Variants in USH2A observed in about 807,000 individuals in gnomAD.
The protein encoded by USH2A is Usher syndrome 2A (autosomal recessive, mild).
A neutral mutation model predicts 538.9 loss-of-function variants in USH2A; 443 were observed. The ratio of observed to expected loss-of-function variants is 0.82; its 90% CI spans 0.76 to 0.89. USH2A has a LOEUF of 0.89. Among genes scored for constraint, USH2A ranks in the 40% least tolerant of loss-of-function variants. USH2A has a pLI of 0.00. For missense variants in USH2A, 6,633 were observed against 6,324.8 expected, an observed-to-expected ratio of 1.05 and a Z score of -1.65; for synonymous variants, 2,413 against 2,273.5, an observed-to-expected ratio of 1.06 and a Z score of -1.75.
intron 44 of USH2A, among the ~76,000 whole-genome samples, chr1:215,849,293 G>A (rs777980216): frequency 3.9e-5 from 6 of 152,106 alleles, no homozygotes; most frequent in Non-Finnish European, 8.8e-5. Flanking sequence ...TGAAAAAGAA[G>A]CCTCTATGAA....
chr1:216,054,652 C>A (rs1433730044), intron 30 of USH2A, among the ~76,000 whole-genome samples: 1 of 152,028 alleles, frequency 6.6e-6, no homozygotes. Context: ...TCAGCAGACT[C>A]CTCCTCCCTC....
intron 22 of USH2A, among the ~76,000 whole-genome samples, chr1:216,096,165 A>G (rs1341956773): frequency 6.6e-6 from 1 of 152,146 alleles, no homozygotes; most frequent in Admixed American, 6.5e-5. Flanking sequence ...ACATTTGCTT[A>G]CAAGGTCTTA....
At chr1:216,289,516 G>A in intron 10 of USH2A, 106 bp from the exon 11 acceptor site, 1 of 1,510,050 alleles carries the variant, frequency 6.6e-7, no homozygotes, top group Non-Finnish European at 9.1e-7. Context: ...ATAATTTTCG[G>A]AACGTCCGTT....
chr1:216,061,801 A>G (rs2031193634), intron 30 of USH2A, among the ~76,000 whole-genome samples: 1 of 152,192 alleles, frequency 6.6e-6, no homozygotes, highest in African/African-American at 2.4e-5. Flanking sequence ...GGAAAGTCCT[A>G]GGCAAACCCA....
At chr1:216,097,792 G>A (rs2032476291) in intron 21 of USH2A, among the ~76,000 whole-genome samples, 1 of 152,156 alleles carries the variant, frequency 6.6e-6, no homozygotes, top group South Asian at 2.1e-4. Flanking sequence ...GATATACAAT[G>A]CTCTTTTCTC....
intron 21 of USH2A, among the ~76,000 whole-genome samples, chr1:216,139,570 G>C (rs1011217019): frequency 6.6e-6 from 1 of 152,154 alleles, no homozygotes; most frequent in South Asian, 2.1e-4. Flanking sequence ...CTGGAAAATA[G>C]ACAAAGCAAG....
intron 37 of USH2A, among the ~76,000 whole-genome samples, chr1:215,958,373 G>C (rs1447787471): frequency 6.6e-6 from 1 of 152,088 alleles, no homozygotes; most frequent in Non-Finnish European, 1.5e-5. Context: ...TATTCTGGGT[G>C]CTAGGATTTT....
At chr1:216,156,385 T>C (rs185335621) in intron 21 of USH2A, among the ~76,000 whole-genome samples, 26 of 150,730 alleles carry the variant, frequency 1.7e-4, no homozygotes, top group Admixed American at 1.5e-3. Flanking sequence ...TGAGTGCTTC[T>C]GTTATGTTAC....
intron 3 of USH2A, among the ~76,000 whole-genome samples, chr1:216,368,346 T>C (rs1344989162): frequency 6.6e-6 from 1 of 152,134 alleles, no homozygotes; most frequent in African/African-American, 2.4e-5. Flanking sequence ...CGAGTCCACC[T>C]AGATTATAGT....
At chr1:216,400,810 C>T (rs78111443) in intron 3 of USH2A, among the ~76,000 whole-genome samples, 1,882 of 152,258 alleles carry the variant, frequency 0.012, 22 homozygotes, top group Middle Eastern at 0.078. Context: ...AAGCAATTAA[C>T]TGTCAATCAT....
intron 4 of USH2A, among the ~76,000 whole-genome samples, chr1:216,329,313 A>G (rs1477210853): frequency 2.6e-5 from 4 of 152,176 alleles, no homozygotes; most frequent in Non-Finnish European, 5.9e-5. Flanking sequence ...TTTATGATCA[A>G]TTGACCTGGA....
chr1:216,210,657 C>T (rs1338954333), intron 15 of USH2A, among the ~76,000 whole-genome samples: 1 of 152,122 alleles, frequency 6.6e-6, no homozygotes. Flanking sequence ...ACAGTAGTAA[C>T]TGTTGTAGTG....
chr1:215,896,902 C>A (rs1665357679), intron 40 of USH2A, among the ~76,000 whole-genome samples: 1 of 152,030 alleles, frequency 6.6e-6, no homozygotes, highest in Non-Finnish European at 1.5e-5. Context: ...CTACACTGAC[C>A]AAATTGGCTG....
At chr1:215,685,257 T>A (rs996584703) in intron 61 of USH2A, among the ~76,000 whole-genome samples, 1 of 151,996 alleles carries the variant, frequency 6.6e-6, no homozygotes, top group Admixed American at 6.6e-5. Context: ...TCTCCATTTA[T>A]AAAGTTAACC....
In USH2A at chr1:215,844,419, T is replaced by G; in HGVS notation, c.9133A>C (p.Asn3045His). 6 of 1,613,550 alleles carry G rather than the reference T, an allele frequency of 3.7e-6. No individual in the cohort carries two copies. The highest frequency in any genetic ancestry group is 5.1e-6 in the Non-Finnish European group (6 of 1,179,864). ...TACTCAGTGACAACACCATTTGGGT[T>G]TGAAGGAGATGTCCAGATGACACGT... ...AVRVIWTSPS[N>H]PNGVVTEYSI... The change falls in exon 46 of 72, where the codon AAC becomes CAC. Residue 3045 changes from asparagine to histidine, a missense_variant. By Grantham distance (68) the Asn-to-His change is moderately conservative. Transcript: ENST00000307340.
chr1:216,281,865 G>GT (rs766030449), intron 11 of USH2A, among the ~76,000 whole-genome samples: 60,983 of 96,938 alleles, frequency 0.63, 19,596 homozygotes, highest in Non-Finnish European at 0.71. Flanking sequence ...GTTTTTGTCT[G>GT]TTTTTTTTTT....
intron 49 of USH2A, among the ~76,000 whole-genome samples, chr1:215,811,879 C>G (rs1167170886): frequency 6.6e-6 from 1 of 151,020 alleles, no homozygotes; most frequent in African/African-American, 2.4e-5. Flanking sequence ...TGCACTCCAG[C>G]CTGGGCAACA....
At position 216,340,060 on chromosome 1, in the gene USH2A, A is replaced by AAAAC. The variant is rs560794676; in HGVS notation, c.785-12410_785-12407dup. ...ATGAATCCAGGAGCTGTTTTTTTTG[A>AAAAC]AAACAAACAAACAAACAAACAAAAT... On this transcript the variant is annotated intron_variant, in intron 4 of 71. Coordinates refer to ENST00000307340, the MANE Select transcript of USH2A (RefSeq NM_206933.4). Among the ~76,000 whole-genome samples the AAAAC allele has an allele frequency of 5.2e-4, 79 of 151,962 alleles. 1 individual carries two copies. The highest frequency in any genetic ancestry group is 4.2e-4 in the South Asian group (2 of 4,814).
At chr1:216,384,466 T>C (rs2038972685) in intron 3 of USH2A, among the ~76,000 whole-genome samples, 1 of 152,156 alleles carries the variant, frequency 6.6e-6, no homozygotes, top group African/African-American at 2.4e-5. Flanking sequence ...ATTCCTTATA[T>C]TAACAATAAT....
Sources: allele counts gnomAD v4.1 joint callset (sites outside exome capture counted in the v4.1 genomes callset), GRCh38; gene constraint gnomAD v4.1.1; transcripts MANE v1.5; gene names NCBI Gene and HGNC (gene_info 2026-07-23, HGNC 2026-07-21).